The following REM2 variants were observed in gnomAD, a reference collection of about 807,000 sequenced individuals.
REM2 encodes the protein RRAD and GEM like GTPase 2, also known as GTP-binding protein REM 2.
In REM2, 24 loss-of-function variants were observed where a neutral mutation model predicts 24.4. The observed-to-expected ratio is 0.98, with a 90% CI of 0.71 to 1.38. REM2 has a LOEUF of 1.38. Ranked by LOEUF, REM2 falls within the 40% of genes most tolerant of loss-of-function variation. The pLI is 0.00. For missense variants in REM2, 429 were observed against 467.8 expected (o/e 0.92, Z 0.77); for synonymous variants, 187 against 198.0 (o/e 0.94, Z 0.47).
chr14:22,886,071 C>T lies in REM2; in HGVS notation c.567C>T (p.Asp189=), dbSNP rs766812288. The T allele has an allele frequency of 2.5e-6, 4 of 1,613,994 alleles. No homozygotes were observed. The East Asian group carries it at 8.9e-5, about 36-fold the overall frequency. The stretch of plus-strand genomic sequence containing the variant: ...GGGACCACTGCCTTCAGACCGGGGA[C>T]GCCTTTCTCATCGTCTTCTCAGTCA... ...WLRDHCLQTG[D]AFLIVFSVTD... Residue 189 remains aspartate (D), a synonymous_variant, in exon 4 of 5, where the codon GAC becomes GAT. Transcript: ENST00000267396. This position sits in a 1 kb window ranked among gnomAD's most constrained non-coding sequence, Gnocchi z 5.9.
Position 22,884,989 on chromosome 14 carries a change from A to G in REM2, c.419A>G (p.Asp140Gly), listed in dbSNP as rs767173528. ...GGCACTTTTGGTGGTCTCCAGGGAG[A>G]CAGTGCTCACGAACCGGAGAACCCA... Reference protein sequence around the residue: ...LAGTFGGLQGDSAHEPENPED... With the variant: ...LAGTFGGLQGGSAHEPENPED... The change falls in exon 2 of 5, where the codon GAC (aspartate) becomes GGC (glycine). Residue 140 changes from aspartate to glycine, a missense_variant. Coordinates refer to ENST00000267396, the MANE Select transcript of REM2 (RefSeq NM_173527.3). 11 of 1,545,722 alleles carry G rather than the reference A, an allele frequency of 7.1e-6. No individual in the cohort carries two copies. Among genetic ancestry groups the G allele is most frequent in the South Asian group, 1.2e-5 (1 of 80,396 alleles).
At position 22,886,850 on chromosome 14, in the gene REM2, C is replaced by A; in HGVS notation, c.964C>A (p.Arg322Ser). Residue 322 changes from arginine to serine, a missense_variant, in exon 5 of 5, where the codon CGC becomes AGC. Coordinates refer to ENST00000267396, the MANE Select transcript of REM2 (RefSeq NM_173527.3). The surrounding 1 kb of genome is among the most constrained non-coding windows in gnomAD (Gnocchi z 5.9). ...AKRFLANLVP[R>S]NAKFFKQRSR... ...GAGGTTCCTCGCCAACCTGGTGCCG[C>A]GCAACGCCAAGTTCTTCAAGCAGCG... 6.5e-7 allele frequency: 1 copy of A among 1,546,540 alleles called. No homozygotes were observed. Among genetic ancestry groups the A allele is most frequent in the South Asian group, 1.2e-5 (1 of 83,576 alleles).
chr14:22,883,281 C>A lies in REM2; in HGVS notation c.-7C>A. 1.4e-6 allele frequency: 2 copies of A among 1,398,156 alleles called. No homozygotes were observed. The highest frequency in any genetic ancestry group is 2.5e-5 in the East Asian group (1 of 40,504). 86.6% of individuals were successfully genotyped at this position (1,398,156 alleles called of 1,614,324 possible). On this transcript the variant is annotated 5_prime_UTR_variant, in exon 1 of 5. Coordinates refer to ENST00000267396, the MANE Select transcript of REM2 (RefSeq NM_173527.3). ...GCACACGCACACGCACACGCACACGCACACTGATGCACACGGACCTGGACA... is the reference window on the plus strand; with the variant it reads ...GCACACGCACACGCACACGCACACGAACACTGATGCACACGGACCTGGACA...
In REM2 at chr14:22,886,451, C is replaced by T; in HGVS notation, c.728-163C>T. ...CCTAGGCCTCCTTCTCCCTCTCCTT[C>T]GCACCTCCACAGACCCACCATATGA... On this transcript the variant is annotated intron_variant, in intron 4 of 4. Transcript: ENST00000267396. The surrounding 1 kb of genome is among the most constrained non-coding windows in gnomAD (Gnocchi z 5.9). 1.3e-6 allele frequency: 1 copy of T among 742,218 alleles called. No homozygotes were observed. The highest frequency in any genetic ancestry group is 2.2e-6 in the Non-Finnish European group (1 of 462,358). 46.0% of individuals were successfully genotyped at this position (742,218 alleles called of 1,614,324 possible).
chr14:22,885,977 A>C, intron 3 of REM2, 47 bp from the exon 4 acceptor site: 4 of 1,494,738 alleles, frequency 2.7e-6, no homozygotes, highest in Non-Finnish European at 3.7e-6. Flanking sequence ...GGTGCTGGAC[A>C]GGATCTCCTA....
In REM2 at chr14:22,883,369, C is replaced by T; in HGVS notation, c.82C>T (p.Pro28Ser). ...CCCCTCTGGCAGCCGCCGGGCCTCC[C>T]CTCCAGGGACGCCCACACCAGGTGA... ...LCPSGSRRASPPGTPTPEADA... is the reference protein window; with the variant it reads ...LCPSGSRRASSPGTPTPEADA... Residue 28 changes from proline (P) to serine (S), a missense_variant, in exon 1 of 5, where the codon CCT (proline) becomes TCT (serine). Coordinates refer to ENST00000267396, the MANE Select transcript of REM2 (RefSeq NM_173527.3). 6.4e-7 allele frequency: 1 copy of T among 1,555,104 alleles called. No homozygotes were observed. Among genetic ancestry groups the T allele is most frequent in the Non-Finnish European group, 8.7e-7 (1 of 1,149,270 alleles).
At position 22,885,349 on chromosome 14, in the gene REM2, AAG is replaced by A. The variant is rs1296874184; in HGVS notation, c.519+12_519+13del. On this transcript the variant is annotated intron_variant, in intron 3 of 4. Transcript: ENST00000267396. ...TGACATCTGGGAACAGGTGAGAACT[AAG>A]ATGTGGCTGCAGGCAGGTGATGAAG... 2 of 1,605,108 alleles carry A rather than the reference AAG, an allele frequency of 1.2e-6. No homozygotes were observed. The highest frequency in any genetic ancestry group is 2.7e-5 in the African/African-American group (2 of 74,850).
Position 22,883,222 on chromosome 14 carries a change from G to T in REM2, c.-66G>T. The T allele has an allele frequency of 1.2e-6, 1 of 813,952 alleles. No individual in the cohort carries two copies. Among genetic ancestry groups the T allele is most frequent in the South Asian group, 1.4e-5 (1 of 69,396 alleles). 50.4% of individuals were successfully genotyped at this position (813,952 alleles called of 1,614,324 possible). On this transcript the variant is annotated 5_prime_UTR_variant, in exon 1 of 5. Transcript: ENST00000267396. The stretch of plus-strand genomic sequence containing the variant: ...AAAGGGAAAAGCTGACAGTGCTGCT[G>T]AGTGAGGGAGAGGGTGCTGCGAGCT...
At position 22,884,958 on chromosome 14, in the gene REM2, C is replaced by G; in HGVS notation, c.388C>G (p.Leu130Val). Reference protein sequence around the residue: ...VGESGVGKSTLAGTFGGLQGD... With the variant: ...VGESGVGKSTVAGTFGGLQGD... Reference sequence around the variant, plus strand: ...GGAGAGCGGCGTGGGCAAGAGCACCCTAGCAGGCACTTTTGGTGGTCTCCA... The same window carrying G: ...GGAGAGCGGCGTGGGCAAGAGCACCGTAGCAGGCACTTTTGGTGGTCTCCA... Residue 130 changes from leucine to valine, a missense_variant, in exon 2 of 5, where the codon CTA (leucine) becomes GTA (valine). Physicochemically the swap from Leu to Val is conservative, Grantham distance 32 (BLOSUM62 1). Coordinates refer to ENST00000267396, the MANE Select transcript of REM2 (RefSeq NM_173527.3). 5 of 1,577,382 alleles carry G rather than the reference C, an allele frequency of 3.2e-6. No individual in the cohort carries two copies. Among genetic ancestry groups the G allele is most frequent in the Non-Finnish European group, 4.3e-6 (5 of 1,159,192 alleles).
At chr14:22,884,613 C>T in intron 1 of REM2, 61 bp from the exon 2 acceptor site, 1 of 1,528,720 alleles carries the variant, frequency 6.5e-7, no homozygotes, top group South Asian at 1.3e-5. Flanking sequence ...GAGCCTTCTG[C>T]ATATGGTTGA....
rs1053714083 is a variant in REM2, at chr14:22,886,574, G to A, written c.728-40G>A. 4.2e-6 allele frequency: 6 copies of A among 1,435,682 alleles called. No individual in the cohort carries two copies. Among genetic ancestry groups the A allele is most frequent in the Non-Finnish European group, 4.6e-6 (5 of 1,093,998 alleles). The allele number at this position is 1,435,682 out of a possible 1,614,324, so 88.9% of individuals were successfully genotyped here. ...TAGACCCACCCTCGCCCCGGGTCCC[G>A]TACAGCCCAGCGGGCGCCTGAGCCG... On this transcript the variant is annotated intron_variant, in intron 4 of 4. Transcript: ENST00000267396. This position sits in a 1 kb window ranked among gnomAD's most constrained non-coding sequence, Gnocchi z 5.9.
In REM2 at chr14:22,886,874, C is replaced by T; in HGVS notation, c.988C>T (p.Arg330Cys). 5.2e-6 allele frequency: 8 copies of T among 1,538,566 alleles called. No individual in the cohort carries two copies. Among genetic ancestry groups the T allele is most frequent in the Non-Finnish European group, 6.1e-6 (7 of 1,142,118 alleles). Residue 330 changes from arginine to cysteine, a missense_variant, in exon 5 of 5, where the codon CGC (arginine) becomes TGC (cysteine). Physicochemically the swap from Arg to Cys is radical, Grantham distance 180. Transcript: ENST00000267396. The surrounding 1 kb of genome is among the most constrained non-coding windows in gnomAD (Gnocchi z 5.9). ...GCGCAACGCCAAGTTCTTCAAGCAG[C>T]GCTCCAGGTCGTGTCACGACCTCTC... Reference protein sequence around the residue: ...VPRNAKFFKQRSRSCHDLSVL With the variant: ...VPRNAKFFKQCSRSCHDLSVL
intron 3 of REM2, 105 bp downstream of exon 3, chr14:22,885,444 T>G: frequency 2.4e-6 from 2 of 825,096 alleles, no homozygotes; most frequent in East Asian, 4.9e-5. Context: ...GGTTTCCACA[T>G]GTACTGGAAC....
At position 22,886,812 on chromosome 14, in the gene REM2, C is replaced by A. The variant is rs1417613685; in HGVS notation, c.926C>A (p.Thr309Asn). 6.5e-7 allele frequency: 1 copy of A among 1,549,200 alleles called. No homozygotes were observed. The highest frequency in any genetic ancestry group is 2.5e-5 in the East Asian group (1 of 40,792). The change falls in exon 5 of 5, where the codon ACC (threonine) becomes AAC (asparagine). Residue 309 changes from threonine (T) to asparagine (N), a missense_variant. Physicochemically the swap from Thr to Asn is moderately conservative, Grantham distance 65. Coordinates refer to ENST00000267396, the MANE Select transcript of REM2 (RefSeq NM_173527.3). This position sits in a 1 kb window ranked among gnomAD's most constrained non-coding sequence, Gnocchi z 5.9. ...PAPPARRESL[T>N]KKAKRFLANL... The stretch of plus-strand genomic sequence containing the variant: ...CCACCTGCACGCCGCGAGAGCCTCA[C>A]CAAGAAAGCCAAGAGGTTCCTCGCC...
At position 22,887,378 on chromosome 14, in the gene REM2, C is replaced by A. The variant is rs1159620947; in HGVS notation, c.*469C>A. ...TAAGAGAGTCTTAAAGGTAAAGACACGAAAACACTTCCTCCAGGGACCTTC... is the reference window on the plus strand; with the variant it reads ...TAAGAGAGTCTTAAAGGTAAAGACAAGAAAACACTTCCTCCAGGGACCTTC... On this transcript the variant is annotated 3_prime_UTR_variant, in exon 5 of 5. Coordinates refer to ENST00000267396, the MANE Select transcript of REM2 (RefSeq NM_173527.3). The A allele has an allele frequency of 6.6e-6, 1 of 152,502 alleles. No individual in the cohort carries two copies. The highest frequency in any genetic ancestry group is 1.5e-5 in the Non-Finnish European group (1 of 68,332). The allele number at this position is 152,502 out of a possible 1,614,324, so 9.4% of individuals were successfully genotyped here.
In REM2 at chr14:22,886,923, T is replaced by C. The variant is rs949551074; in HGVS notation, c.*14T>C. On this transcript the variant is annotated 3_prime_UTR_variant, in exon 5 of 5. Transcript: ENST00000267396. This position sits in a 1 kb window ranked among gnomAD's most constrained non-coding sequence, Gnocchi z 5.9. ...TCGGTGCTCTGAGCCGCGGTCGCCA[T>C]GGCCACTGCGGTCGCCATGGTCACC... 12 of 1,418,546 alleles carry C rather than the reference T, an allele frequency of 8.5e-6. No individual in the cohort carries two copies. The African/African-American group carries it at 9.0e-5, about 11-fold the overall frequency. 87.9% of individuals were successfully genotyped at this position (1,418,546 alleles called of 1,614,324 possible).
chr14:22,887,080 G>T lies in REM2; in HGVS notation c.*171G>T. ...GGGGGCGGCCCGGGGCCGCTCGGCGGCACCTCCACACCCGCCCCAACGCGT... is the reference window on the plus strand; with the variant it reads ...GGGGGCGGCCCGGGGCCGCTCGGCGTCACCTCCACACCCGCCCCAACGCGT... On this transcript the variant is annotated 3_prime_UTR_variant, in exon 5 of 5. Coordinates refer to ENST00000267396, the MANE Select transcript of REM2 (RefSeq NM_173527.3). 2.0e-6 allele frequency: 1 copy of T among 504,648 alleles called. No homozygotes were observed. Among genetic ancestry groups the T allele is most frequent in the Non-Finnish European group, 3.3e-6 (1 of 300,488 alleles). 31.3% of individuals were successfully genotyped at this position (504,648 alleles called of 1,614,324 possible). A position where few individuals can be genotyped will look rare whatever the true frequency, so the allele number is the denominator to read the frequency against.
At position 22,886,876 on chromosome 14, in the gene REM2, C is replaced by A. The variant is rs1359378203; in HGVS notation, c.990C>A (p.Arg330=). 2 of 1,539,284 alleles carry A rather than the reference C, an allele frequency of 1.3e-6. No individual in the cohort carries two copies. The highest frequency in any genetic ancestry group is 2.0e-5 in the Admixed American group (1 of 49,556). The change falls in exon 5 of 5, where the codon CGC becomes CGA. Residue 330 remains arginine, a synonymous_variant. Coordinates refer to ENST00000267396, the MANE Select transcript of REM2 (RefSeq NM_173527.3). The surrounding 1 kb of genome is among the most constrained non-coding windows in gnomAD (Gnocchi z 5.9). ...GCAACGCCAAGTTCTTCAAGCAGCG[C>A]TCCAGGTCGTGTCACGACCTCTCGG... ...VPRNAKFFKQ[R]SRSCHDLSVL
chr14:22,883,965 A>G (rs1203938168), intron 1 of REM2: 1 of 937,482 alleles, frequency 1.1e-6, no homozygotes, highest in African/African-American at 1.8e-5. Flanking sequence ...TGAACACAAT[A>G]TTCTCTCCCA....
Sources: gnomAD v4.1 joint callset for allele counts on GRCh38, gnomAD v4.1.1 for gene constraint, Gnocchi (gnomAD v3.1) non-coding constraint, MANE v1.5 for transcripts, NCBI Gene and HGNC (gene_info 2026-07-23, HGNC 2026-07-21) for gene names.